Variants in NBAS observed in about 807,000 individuals in gnomAD.
The protein encoded by NBAS is NAG/BC035112 fusion.
NBAS carries 219 observed loss-of-function variants against 302.5 expected under a neutral mutation model. That is an observed-to-expected ratio of 0.72 (90% confidence interval 0.65 to 0.81). NBAS has a LOEUF of 0.81. Among genes scored for constraint, NBAS ranks in the 30% least tolerant of loss-of-function variants. The pLI is 0.00. For missense variants in NBAS, 2,932 were observed against 2,841.6 expected (o/e 1.03, Z -0.72); for synonymous variants, 1,118 against 1,021.6 (o/e 1.09, Z -1.80).
At chr2:15,437,345 A>G (rs1678078157) in intron 21 of NBAS, among the ~76,000 whole-genome samples, 1 of 152,206 alleles carries the variant, frequency 6.6e-6, no homozygotes, top group South Asian at 2.1e-4. Flanking sequence ...GAGAGGTGGA[A>G]AGTCCTAAGC....
chr2:14,872,992 A>C, the NBAS span, among the ~76,000 whole-genome samples: 2 of 152,204 alleles, frequency 1.3e-5, no homozygotes, highest in Non-Finnish European at 2.9e-5. Flanking sequence ...CAGCAGTAAG[A>C]TTTATTGCTA....
chr2:14,821,440 G>T, the NBAS span, among the ~76,000 whole-genome samples: 4 of 152,120 alleles, frequency 2.6e-5, no homozygotes, highest in African/African-American at 9.7e-5. Flanking sequence ...CACCCTGCCC[G>T]CTCTGGATTT....
chr2:15,319,456 G>A (rs1212147451), intron 38 of NBAS, among the ~76,000 whole-genome samples: 2 of 142,624 alleles, frequency 1.4e-5, no homozygotes, highest in Non-Finnish European at 3.0e-5. Context: ...AATGAATCCA[G>A]GAGCTGGTTT....
chr2:15,353,496 C>A (rs1673465809), intron 34 of NBAS, 57 bp downstream of exon 34: 1 of 1,601,926 alleles, frequency 6.2e-7, no homozygotes, highest in Non-Finnish European at 8.5e-7. Flanking sequence ...CTCAGATACA[C>A]ACACCCAACA....
rs550770786 is a variant in NBAS, at chr2:15,342,163, C to T, written c.4179+9829G>A. Among the ~76,000 whole-genome samples, 10 of 152,248 alleles carry T rather than the reference C, an allele frequency of 6.6e-5. No homozygotes were observed. In the East Asian group the frequency reaches 1.9e-3, roughly 29 times the overall value. ...TTTCTACCATTTTATTGCAGAGCAA[C>T]ACTAGCATGAATATACAAAGATGTG... On this transcript the variant is annotated intron_variant, in intron 35 of 51. Coordinates refer to ENST00000281513, the MANE Select transcript of NBAS (RefSeq NM_015909.4).
chr2:14,949,478 G>A, the NBAS span, among the ~76,000 whole-genome samples: 1 of 152,086 alleles, frequency 6.6e-6, no homozygotes, highest in Non-Finnish European at 1.5e-5. Context: ...CAACAGGTAT[G>A]TGAAGCAATG....
chr2:15,454,237 A>C (rs532500761), intron 21 of NBAS, among the ~76,000 whole-genome samples: 1 of 152,358 alleles, frequency 6.6e-6, no homozygotes, highest in African/African-American at 2.4e-5. Flanking sequence ...ATAGGAATAT[A>C]AATGAGTATC....
chr2:15,042,107 C>T, the NBAS span, among the ~76,000 whole-genome samples: 11 of 152,206 alleles, frequency 7.2e-5, no homozygotes, highest in African/African-American at 2.7e-4. Flanking sequence ...TTGCTGGAGG[C>T]CTCATGTAAA....
At chr2:15,059,478 G>T in the NBAS span, among the ~76,000 whole-genome samples, 1 of 152,142 alleles carries the variant, frequency 6.6e-6, no homozygotes, top group African/African-American at 2.4e-5. Flanking sequence ...AAGATAAGCA[G>T]ATGCCCCCAG....
chr2:15,555,729 G>C (rs184226531), intron 3 of NBAS, among the ~76,000 whole-genome samples: 5 of 152,252 alleles, frequency 3.3e-5, no homozygotes, highest in East Asian at 1.9e-4. Flanking sequence ...AAGGAAAAAG[G>C]CTTCTCAGGA....
chr2:15,293,390 G>A (rs1319460904), intron 40 of NBAS, among the ~76,000 whole-genome samples: 1 of 152,116 alleles, frequency 6.6e-6, no homozygotes, highest in Non-Finnish European at 1.5e-5. Context: ...ATTATTCTAC[G>A]ATTCTTAGCA....
At chr2:15,188,333 T>C (rs1665184583) in intron 49 of NBAS, among the ~76,000 whole-genome samples, 1 of 152,238 alleles carries the variant, frequency 6.6e-6, no homozygotes, top group South Asian at 2.1e-4. Context: ...CAACATACCA[T>C]CATTGTCACA....
intron 6 of NBAS, among the ~76,000 whole-genome samples, chr2:15,541,467 C>T (rs912854517): frequency 6.6e-6 from 1 of 152,118 alleles, no homozygotes; most frequent in Non-Finnish European, 1.5e-5. Context: ...AGAGTTCAGA[C>T]TTCCCTTAAC....
the NBAS span, among the ~76,000 whole-genome samples, chr2:14,861,928 G>A: frequency 6.6e-6 from 1 of 152,178 alleles, no homozygotes; most frequent in Admixed American, 6.5e-5. Flanking sequence ...AACAGACCTA[G>A]AAGACCATTT....
chr2:14,918,411 A>G, the NBAS span, among the ~76,000 whole-genome samples: 1 of 152,196 alleles, frequency 6.6e-6, no homozygotes, highest in Non-Finnish European at 1.5e-5. Context: ...AAGGAACAAT[A>G]TCATAAAAGG....
chr2:15,398,029 A>G (rs779891107), intron 26 of NBAS, among the ~76,000 whole-genome samples: 3 of 152,182 alleles, frequency 2.0e-5, no homozygotes, highest in Non-Finnish European at 1.5e-5. Context: ...GATATAGTCT[A>G]CTTAAAGTCC....
rs771946757 is a variant in NBAS, at chr2:15,218,924, G to A, written c.6281C>T (p.Pro2094Leu). ...CGGCCAGGCGTCATCAGCACAGAAA[G>A]GCCGCAGCCACTCCAGCAGGTCCTC... Reference protein sequence around the residue: ...SPEDLLEWLRPFCADDAWPVR... With the variant: ...SPEDLLEWLRLFCADDAWPVR... Residue 2094 changes from proline to leucine, a missense_variant, in exon 48 of 52, where the codon CCT becomes CTT. By Grantham distance (98) the Pro-to-Leu change is moderately conservative (BLOSUM62 -3). Coordinates refer to ENST00000281513, the MANE Select transcript of NBAS (RefSeq NM_015909.4). The A allele has an allele frequency of 1.9e-6, 3 of 1,614,238 alleles. No individual in the cohort carries two copies. The highest frequency in any genetic ancestry group is 2.5e-6 in the Non-Finnish European group (3 of 1,180,046).
the NBAS span, among the ~76,000 whole-genome samples, chr2:14,937,331 T>G: frequency 2.0e-5 from 3 of 152,148 alleles, no homozygotes; most frequent in Non-Finnish European, 4.4e-5. Flanking sequence ...TTTGTCTGAG[T>G]CCTGTGAGAC....
chr2:15,350,452 C>G (rs1673298575), intron 35 of NBAS, among the ~76,000 whole-genome samples: 1 of 152,128 alleles, frequency 6.6e-6, no homozygotes, highest in African/African-American at 2.4e-5. Context: ...GCTGGGATGT[C>G]AGAAACCGGG....
Sources: gnomAD v4.1 joint callset for allele counts (sites outside exome capture counted in the v4.1 genomes callset) on GRCh38, gnomAD v4.1.1 for gene constraint, MANE v1.5 for transcripts, NCBI Gene and HGNC (gene_info 2026-07-23, HGNC 2026-07-21) for gene names.